Variants in CDH4 observed in about 807,000 individuals in gnomAD.
The protein encoded by CDH4 is cadherin 4.
Under a neutral mutation model 86.0 loss-of-function variants are expected in CDH4, and 33 were observed. The ratio of observed to expected loss-of-function variants is 0.38; its 90% CI spans 0.29 to 0.51. The LOEUF is 0.51. Ranked by LOEUF, CDH4 falls within the 20% of genes least tolerant of loss-of-function variation. The pLI is 0.86. For missense variants in CDH4, 1,114 were observed against 1,307.4 expected (o/e 0.85, Z 2.28); for synonymous variants, 555 against 549.4 (o/e 1.01, Z -0.14).
chr20:61,913,483 C>T (rs1423653528), intron 9 of CDH4, among the ~76,000 whole-genome samples: 1 of 152,254 alleles, frequency 6.6e-6, no homozygotes, highest in Non-Finnish European at 1.5e-5. Context: ...GGGCCAGGCC[C>T]TCAGCAGGCC....
At chr20:61,612,571 A>G (rs2086693474) in intron 2 of CDH4, among the ~76,000 whole-genome samples, 1 of 152,192 alleles carries the variant, frequency 6.6e-6, no homozygotes, top group Admixed American at 6.5e-5. Context: ...TTTTCCATCA[A>G]ACCTGACTTT....
chr20:61,783,011 G>A (rs1046765659), intron 4 of CDH4, among the ~76,000 whole-genome samples: 2 of 152,198 alleles, frequency 1.3e-5, no homozygotes, highest in African/African-American at 4.8e-5. Context: ...CTTGAACCCC[G>A]GAGGTAGAGG....
rs145391314 is a variant in CDH4 at position 61,917,491 on chromosome 20, G to A, written c.1375-5960G>A. 1.3e-3 allele frequency among the ~76,000 whole-genome samples: 204 copies of A among 152,366 alleles called. 1 individual carries two copies. The highest frequency in any genetic ancestry group is 3.4e-3 in the Middle Eastern group (1 of 294). On this transcript the variant is annotated intron_variant, in intron 9 of 15. Coordinates refer to ENST00000614565, the MANE Select transcript of CDH4 (RefSeq NM_001794.5). ...GAGCTGGCCTTCCTGTGGGAGGCTC[G>A]CAGGTGGGAATTCCAGGGAGAGCAG...
rs545925480 is a variant in CDH4 at position 61,665,913 on chromosome 20, G to A, written c.170-77650G>A. Among the ~76,000 whole-genome samples, 289 of 152,280 alleles carry A rather than the reference G, an allele frequency of 1.9e-3. 2 individuals carry two copies. The highest frequency in any genetic ancestry group is 6.6e-3 in the African/African-American group (276 of 41,550). On this transcript the variant is annotated intron_variant, in intron 2 of 15. Coordinates refer to ENST00000614565, the MANE Select transcript of CDH4 (RefSeq NM_001794.5). The stretch of plus-strand genomic sequence containing the variant: ...CCAGGAAAATCGCAGCGGTGGGACC[G>A]AGGGGCACCTGCGGCTACATATTAA...
At chr20:61,737,727 C>T (rs6061340) in intron 2 of CDH4, among the ~76,000 whole-genome samples, 13 of 152,182 alleles carry the variant, frequency 8.5e-5, no homozygotes, top group African/African-American at 2.9e-4. Flanking sequence ...GGACAGCAGC[C>T]GACATCCACC....
chr20:61,756,921 T>C (rs1324578102), intron 3 of CDH4, among the ~76,000 whole-genome samples: 2 of 152,116 alleles, frequency 1.3e-5, no homozygotes, highest in Non-Finnish European at 1.5e-5. Context: ...GAAGCTCACA[T>C]CTCCAGAAAA....
intron 2 of CDH4, among the ~76,000 whole-genome samples, chr20:61,687,100 C>T (rs1184636036): frequency 1.3e-5 from 2 of 152,322 alleles, no homozygotes; most frequent in Non-Finnish European, 2.9e-5. Context: ...CCTCCCCGCA[C>T]GCCCTGGCCA....
At chr20:61,878,279 T>A (rs1984132666) in intron 7 of CDH4, among the ~76,000 whole-genome samples, 1 of 152,174 alleles carries the variant, frequency 6.6e-6, no homozygotes, top group African/African-American at 2.4e-5. Context: ...GTCCCTGAGC[T>A]GCTCCCTCCC....
At chr20:61,864,923 C>T (rs1435016642) in intron 6 of CDH4, among the ~76,000 whole-genome samples, 3 of 152,196 alleles carry the variant, frequency 2.0e-5, no homozygotes, top group African/African-American at 4.8e-5. Flanking sequence ...GTCACCCCCC[C>T]GGGTCCTGGC....
chr20:61,693,672 C>T (rs369715112), intron 2 of CDH4, among the ~76,000 whole-genome samples: 4 of 152,308 alleles, frequency 2.6e-5, no homozygotes, highest in East Asian at 3.9e-4. Context: ...TGAGCTACAG[C>T]GTTAGAGGGC....
chr20:61,393,351 C>G lies in CDH4; in HGVS notation c.169+138414C>G, dbSNP rs886292971. ...TGTGGGGGACAGCAGCCGGGGGGGG[C>G]CGGGGTCTTCCTTACCTCCTAGCTT... On this transcript the variant is annotated intron_variant, in intron 2 of 15. Transcript: ENST00000614565. The surrounding 1 kb of genome is among the most constrained non-coding windows in gnomAD (Gnocchi z 4.3). Among the ~76,000 whole-genome samples, 1 of 151,102 alleles carries G rather than the reference C, an allele frequency of 6.6e-6. No individual in the cohort carries two copies. Among genetic ancestry groups the G allele is most frequent in the Non-Finnish European group, 1.5e-5 (1 of 67,746 alleles).
intron 2 of CDH4, among the ~76,000 whole-genome samples, chr20:61,579,729 T>A (rs2086411345): frequency 1.3e-5 from 2 of 152,106 alleles, no homozygotes; most frequent in Non-Finnish European, 2.9e-5. Context: ...CGATGAATAC[T>A]TGTGGAGTTG....
At chr20:61,476,678 T>C (rs146367583) in intron 2 of CDH4, among the ~76,000 whole-genome samples, 105 of 152,300 alleles carry the variant, frequency 6.9e-4, no homozygotes, top group African/African-American at 2.4e-3. Context: ...TGCAATTAAG[T>C]GTTAGGCTGG....
chr20:61,376,609 G>A (rs1423760246), intron 2 of CDH4, among the ~76,000 whole-genome samples: 1 of 152,150 alleles, frequency 6.6e-6, no homozygotes, highest in Non-Finnish European at 1.5e-5. Flanking sequence ...ATGGGGAAAG[G>A]CTAGTCTGGG....
rs111939524 is a variant in CDH4, at chr20:61,377,540, T to C, written c.169+122603T>C. Among the ~76,000 whole-genome samples the C allele has an allele frequency of 3.7e-3, 557 of 152,336 alleles. 1 individual carries two copies. Among genetic ancestry groups the C allele is most frequent in the African/African-American group, 0.013 (535 of 41,582 alleles). On this transcript the variant is annotated intron_variant, in intron 2 of 15. Transcript: ENST00000614565. The surrounding 1 kb of genome is among the most constrained non-coding windows in gnomAD (Gnocchi z 4.0). ...CTGTGGTTACGGTGACCTTCAAATG[T>C]CCTTGTTAAATGAAACAAAACCATT... is the stretch of plus-strand genomic sequence containing the variant.
At chr20:61,652,941 T>TATTTA (rs200208714) in intron 2 of CDH4, among the ~76,000 whole-genome samples, 2 of 115,966 alleles carry the variant, frequency 1.7e-5, no homozygotes, top group Admixed American at 8.2e-5. Flanking sequence ...TTTATTTATT[T>TATTTA]TTTTTTTTTT....
rs977962427 is a variant in CDH4, at chr20:61,681,722, T to G, written c.170-61841T>G. On this transcript the variant is annotated intron_variant, in intron 2 of 15. Transcript: ENST00000614565. This position sits in a 1 kb window ranked among gnomAD's most constrained non-coding sequence, Gnocchi z 4.5. ...ATCGGGAAAGTCCGGGCTCAGTGCA[T>G]GTGGAGCTGCCACCCTAGAAAGCCC... is the stretch of plus-strand genomic sequence containing the variant. Among the ~76,000 whole-genome samples the G allele has an allele frequency of 2.0e-5, 3 of 152,154 alleles. No homozygotes were observed. The highest frequency in any genetic ancestry group is 2.9e-5 in the Non-Finnish European group (2 of 68,014).
intron 11 of CDH4, among the ~76,000 whole-genome samples, chr20:61,925,654 G>A (rs2055037483): frequency 6.6e-6 from 1 of 152,242 alleles, no homozygotes; most frequent in African/African-American, 2.4e-5. Flanking sequence ...TGGAACCTGG[G>A]TCAGTGAATA....
chr20:61,357,888 AT>A (rs1487734488), intron 2 of CDH4, among the ~76,000 whole-genome samples: 5 of 151,728 alleles, frequency 3.3e-5, no homozygotes, highest in African/African-American at 7.3e-5. Flanking sequence ...TTTGCTTTTT[AT>A]TTTTTTTCCC....
Sources: allele counts gnomAD v4.1 joint callset (sites outside exome capture counted in the v4.1 genomes callset), GRCh38; gene constraint gnomAD v4.1.1; non-coding constraint Gnocchi (gnomAD v3.1); transcripts MANE v1.5; gene names NCBI Gene and HGNC (gene_info 2026-07-23, HGNC 2026-07-21).